NREP: variants seen among roughly 807,000 people sequenced by gnomAD.
NREP encodes neuronal regeneration-related protein.
NREP carries 5 observed loss-of-function variants against 8.6 expected under a neutral mutation model. That is an observed-to-expected ratio of 0.58 (90% CI 0.30 to 1.22). The LOEUF is 1.22. NREP is among the 50% of genes most tolerant of loss of function. NREP has a pLI of 0.07. For missense variants in NREP, 86 were observed against 82.5 expected (o/e 1.04, Z -0.17); for synonymous variants, 27 against 28.0 (o/e 0.96, Z 0.11).
intron 2 of NREP, among the ~76,000 whole-genome samples, chr5:111,736,932 G>A (rs1749176195): frequency 2.0e-5 from 3 of 152,022 alleles, no homozygotes; most frequent in Admixed American, 6.6e-5. Context: ...TGCTGCCCTC[G>A]CATTATCCCA....
At chr5:111,794,735 A>G (rs2112896800) in intron 2 of NREP, among the ~76,000 whole-genome samples, 1 of 152,316 alleles carries the variant, frequency 6.6e-6, no homozygotes, top group African/African-American at 2.4e-5. Flanking sequence ...AATACTCTGT[A>G]TTAAGCTATC....
At chr5:111,898,902 A>G (rs958700613) in intron 2 of NREP, among the ~76,000 whole-genome samples, 3 of 152,182 alleles carry the variant, frequency 2.0e-5, no homozygotes, top group African/African-American at 7.2e-5. Flanking sequence ...ATTTCTCAGC[A>G]GAAACCTTGT....
chr5:111,956,746 T>C (rs745680087), intron 2 of NREP, among the ~76,000 whole-genome samples: 35 of 152,106 alleles, frequency 2.3e-4, no homozygotes, highest in Non-Finnish European at 1.8e-4. Flanking sequence ...GGTAGATCAC[T>C]GGAGGCCATG....
At chr5:111,893,983 C>T (rs867265516) in intron 2 of NREP, among the ~76,000 whole-genome samples, 6 of 151,918 alleles carry the variant, frequency 3.9e-5, no homozygotes, top group African/African-American at 1.2e-4. Context: ...CTTGGGAGGC[C>T]GACGCAGGCA....
chr5:111,844,677 A>ATT (rs1222711988), intron 2 of NREP, among the ~76,000 whole-genome samples: 1 of 146,708 alleles, frequency 6.8e-6, no homozygotes, highest in Non-Finnish European at 1.5e-5. Flanking sequence ...TTATATATAT[A>ATT]TTATATATAT....
chr5:111,735,422 G>C lies in NREP; in HGVS notation c.81+8C>G. 6.3e-7 allele frequency: 1 copy of C among 1,591,846 alleles called. No homozygotes were observed. The highest frequency in any genetic ancestry group is 8.6e-7 in the Non-Finnish European group (1 of 1,160,314). On this transcript the variant is annotated splice_region_variant and intron_variant, in intron 3 of 3. Transcript: ENST00000257435. The stretch of plus-strand genomic sequence containing the variant: ...TAGTGTTAACAATATGGCATCTAAG[G>C]ATCTTACCTTAGGAAGCCTTCCCTC...
At chr5:111,864,388 G>A (rs1753619797) in intron 2 of NREP, among the ~76,000 whole-genome samples, 1 of 152,098 alleles carries the variant, frequency 6.6e-6, no homozygotes, top group African/African-American at 2.4e-5. Flanking sequence ...GGCAATATAT[G>A]AATATGAATA....
chr5:111,921,257 G>C (rs1163993375), intron 2 of NREP, among the ~76,000 whole-genome samples: 1 of 152,026 alleles, frequency 6.6e-6, no homozygotes, highest in East Asian at 1.9e-4. Flanking sequence ...GGAGATGGTC[G>C]TTGAGTGGGG....
At chr5:111,848,937 A>C (rs1753245180) in intron 2 of NREP, among the ~76,000 whole-genome samples, 1 of 152,152 alleles carries the variant, frequency 6.6e-6, no homozygotes. Flanking sequence ...TTTTCTCATT[A>C]GAGTTATGCC....
intron 2 of NREP, among the ~76,000 whole-genome samples, chr5:111,831,791 G>A (rs1752774671): frequency 6.6e-6 from 1 of 152,104 alleles, no homozygotes; most frequent in Non-Finnish European, 1.5e-5. Context: ...TCTGTTAATG[G>A]CAGCCTCAGG....
intron 2 of NREP, among the ~76,000 whole-genome samples, chr5:111,873,336 A>C (rs1046545169): frequency 2.0e-5 from 3 of 152,042 alleles, no homozygotes; most frequent in Non-Finnish European, 2.9e-5. Flanking sequence ...AACCACACAA[A>C]CTTATTATCT....
chr5:111,928,565 T>A (rs1275465643), intron 2 of NREP, among the ~76,000 whole-genome samples: 1 of 152,160 alleles, frequency 6.6e-6, no homozygotes, highest in Non-Finnish European at 1.5e-5. Flanking sequence ...TGAGGCCTGA[T>A]GAAATAATGT....
intron 2 of NREP, among the ~76,000 whole-genome samples, chr5:111,899,269 A>T (rs1754585723): frequency 6.6e-6 from 1 of 152,198 alleles, no homozygotes; most frequent in South Asian, 2.1e-4. Context: ...AAAACAAAGG[A>T]TATACAGAAC....
intron 2 of NREP, among the ~76,000 whole-genome samples, chr5:111,845,119 A>G (rs1278280840): frequency 6.6e-6 from 1 of 151,982 alleles, no homozygotes; most frequent in Non-Finnish European, 1.5e-5. Context: ...ATGGTTCAGT[A>G]GGGCAGACCT....
At chr5:111,870,844 G>A (rs963706137) in intron 2 of NREP, among the ~76,000 whole-genome samples, 1 of 142,736 alleles carries the variant, frequency 7.0e-6, no homozygotes, top group Non-Finnish European at 1.6e-5. Context: ...GAAGAGACAT[G>A]CAAGAATTTT....
At chr5:111,848,545 G>C (rs1272947409) in intron 2 of NREP, among the ~76,000 whole-genome samples, 1 of 152,154 alleles carries the variant, frequency 6.6e-6, no homozygotes, top group Non-Finnish European at 1.5e-5. Context: ...ATACTACAGT[G>C]CAGTGTTGGG....
At chr5:111,732,994 T>A (rs1010941928) in intron 3 of NREP, 1 of 152,178 alleles carries the variant, frequency 6.6e-6, no homozygotes, top group Non-Finnish European at 1.5e-5. Flanking sequence ...GTACTAATCT[T>A]CTACCTCCAT....
chr5:111,957,966 A>G (rs919925467), intron 2 of NREP, among the ~76,000 whole-genome samples: 2 of 151,956 alleles, frequency 1.3e-5, no homozygotes, highest in African/African-American at 4.8e-5. Context: ...ATACCCATTC[A>G]TGATTAAAAG....
intron 2 of NREP, among the ~76,000 whole-genome samples, chr5:111,829,873 A>G (rs970677951): frequency 3.3e-5 from 5 of 152,182 alleles, no homozygotes; most frequent in African/African-American, 1.2e-4. Flanking sequence ...AAAAGCTCCC[A>G]TGGGAAACAC....
Sources: allele counts gnomAD v4.1 joint callset (sites outside exome capture counted in the v4.1 genomes callset), GRCh38; gene constraint gnomAD v4.1.1; transcripts MANE v1.5; gene names NCBI Gene and HGNC (gene_info 2026-07-23, HGNC 2026-07-21).